The following ARFGEF3 variants were observed in gnomAD, a reference collection of about 807,000 sequenced individuals.
ARFGEF3 encodes the protein brefeldin A-inhibited guanine nucleotide-exchange protein 3.
A neutral mutation model predicts 221.7 loss-of-function variants in ARFGEF3; 96 were observed. The observed-to-expected ratio is 0.43, with a 90% CI of 0.37 to 0.51. ARFGEF3 has a LOEUF of 0.51. Ranked by LOEUF, ARFGEF3 falls within the 20% of genes least tolerant of loss-of-function variation. The pLI is 0.00. For synonymous variants in ARFGEF3, 1,145 were observed against 1,126.8 expected (o/e 1.02, Z -0.32); for missense variants, 2,410 against 2,789.9 (o/e 0.86, Z 3.07).
intron 8 of ARFGEF3, among the ~76,000 whole-genome samples, chr6:138,251,830 CT>C (rs1418638294): frequency 6.6e-6 from 1 of 152,066 alleles, no homozygotes; most frequent in Non-Finnish European, 1.5e-5. Context: ...CTCATAGAAC[CT>C]TGCGTTAAGG....
chr6:138,326,185 T>G (rs146881976), intron 31 of ARFGEF3, among the ~76,000 whole-genome samples: 9 of 152,302 alleles, frequency 5.9e-5, no homozygotes, highest in African/African-American at 1.9e-4. Flanking sequence ...ACTTCTCTAT[T>G]TCTTCCTCAA....
At chr6:138,314,457 T>C (rs1028825119) in intron 26 of ARFGEF3, among the ~76,000 whole-genome samples, 1 of 152,170 alleles carries the variant, frequency 6.6e-6, no homozygotes, top group Admixed American at 6.5e-5. Flanking sequence ...GAGGTTCTTC[T>C]CACATGCGGA....
Position 138,290,648 on chromosome 6 carries a change from G to A in ARFGEF3, c.3047+680G>A, listed in dbSNP as rs147591635. Among the ~76,000 whole-genome samples, 32 of 152,320 alleles carry A rather than the reference G, an allele frequency of 2.1e-4. 1 individual carries two copies. The East Asian group carries it at 6.2e-3, about 29-fold the overall frequency. On this transcript the variant is annotated intron_variant, in intron 18 of 33. Coordinates refer to ENST00000251691, the MANE Select transcript of ARFGEF3 (RefSeq NM_020340.5). ...CAAGCATTGCATCAGGACAGACCCA[G>A]TACCGTGGAAGGAGCACTGCCCATG...
At chr6:138,196,845 T>A (rs557694365) in intron 2 of ARFGEF3, among the ~76,000 whole-genome samples, 1 of 152,320 alleles carries the variant, frequency 6.6e-6, no homozygotes, top group East Asian at 1.9e-4. Flanking sequence ...TTTATTTATT[T>A]ATTTTGAGAC....
Position 138,164,643 on chromosome 6 carries a change from A to G in ARFGEF3, c.85+2472A>G, listed in dbSNP as rs1047723014. Among the ~76,000 whole-genome samples, 13 of 152,318 alleles carry G rather than the reference A, an allele frequency of 8.5e-5. No individual in the cohort carries two copies. The South Asian group carries it at 2.1e-3, about 24-fold the overall frequency. ...CAAAAAAGCTAGTTTAAGCTGAGCTATACAAAACGGGATTTATTTACTCCT... is the reference window on the plus strand; with the variant it reads ...CAAAAAAGCTAGTTTAAGCTGAGCTGTACAAAACGGGATTTATTTACTCCT... On this transcript the variant is annotated intron_variant, in intron 1 of 33. Coordinates refer to ENST00000251691, the MANE Select transcript of ARFGEF3 (RefSeq NM_020340.5).
rs35236693 is a variant in ARFGEF3 at position 138,174,469 on chromosome 6, T to TAAAAAAAAAAA, written c.137+3784_137+3794dup. On this transcript the variant is annotated intron_variant, in intron 2 of 33. Transcript: ENST00000251691. ...GGCATCCTTCTATTTGAGCATCTGC[T>TAAAAAAAAAAA]AAAAAAAAAAAAAAAAAAAAAAAAA... 2.4e-4 allele frequency among the ~76,000 whole-genome samples: 6 copies of TAAAAAAAAAAA among 25,300 alleles called. 1 individual carries two copies. The highest frequency in any genetic ancestry group is 7.3e-4 in the Admixed American group (1 of 1,362). The allele number at this position is 25,300 out of a possible 152,430, so 16.6% of individuals were successfully genotyped here.
intron 2 of ARFGEF3, among the ~76,000 whole-genome samples, chr6:138,172,849 A>T (rs1485797079): frequency 6.6e-6 from 1 of 152,212 alleles, no homozygotes; most frequent in Non-Finnish European, 1.5e-5. Context: ...TGTATTTTCC[A>T]TGCTAACCAT....
chr6:138,323,121 A>T (rs932954674), intron 29 of ARFGEF3, among the ~76,000 whole-genome samples: 2 of 152,310 alleles, frequency 1.3e-5, no homozygotes, highest in Non-Finnish European at 2.9e-5. Context: ...AGTCTTGCAT[A>T]CAAGTCTACG....
intron 6 of ARFGEF3, among the ~76,000 whole-genome samples, chr6:138,240,216 AAAT>A (rs1344133440): frequency 3.3e-5 from 5 of 152,152 alleles, no homozygotes; most frequent in Admixed American, 6.5e-5. Context: ...CATAAATAGA[AAAT>A]AAGAGAAAAA....
intron 6 of ARFGEF3, among the ~76,000 whole-genome samples, chr6:138,242,006 A>T (rs113299224): frequency 6.6e-6 from 1 of 152,220 alleles, no homozygotes; most frequent in African/African-American, 2.4e-5. Flanking sequence ...TTCCTCCGGA[A>T]TGTTGTTCTC....
intron 1 of ARFGEF3, among the ~76,000 whole-genome samples, chr6:138,169,753 T>C (rs1403956996): frequency 6.6e-6 from 1 of 152,236 alleles, no homozygotes; most frequent in Admixed American, 6.5e-5. Context: ...TGATTAATTG[T>C]CTTTCTGAAA....
intron 12 of ARFGEF3, among the ~76,000 whole-genome samples, chr6:138,267,635 T>A (rs562028237): frequency 1.2e-3 from 181 of 152,342 alleles, no homozygotes; most frequent in African/African-American, 3.9e-3. Flanking sequence ...AAAGTCTTTT[T>A]AAAATTTGAG....
intron 2 of ARFGEF3, among the ~76,000 whole-genome samples, chr6:138,171,348 A>G (rs750329131): frequency 2.3e-4 from 34 of 148,710 alleles, no homozygotes; most frequent in Non-Finnish European, 3.4e-4. Flanking sequence ...GGTCAAGGAG[A>G]GACATGATCA....
chr6:138,281,246 G>A (rs1583047252), intron 14 of ARFGEF3, among the ~76,000 whole-genome samples: 1 of 152,260 alleles, frequency 6.6e-6, no homozygotes, highest in South Asian at 2.1e-4. Flanking sequence ...GCAATGGCTT[G>A]TGAGTTGCAA....
chr6:138,172,008 T>C (rs1776845346), intron 2 of ARFGEF3, among the ~76,000 whole-genome samples: 1 of 152,244 alleles, frequency 6.6e-6, no homozygotes, highest in African/African-American at 2.4e-5. Flanking sequence ...AGATATTTTC[T>C]CTCTTTTTAA....
intron 14 of ARFGEF3, 30 bp from the exon 15 acceptor site, chr6:138,285,916 A>T: frequency 7.1e-7 from 1 of 1,406,722 alleles, no homozygotes; most frequent in Non-Finnish European, 1.0e-6. Flanking sequence ...TGTTTTATTT[A>T]GGGAAAACTT....
intron 3 of ARFGEF3, among the ~76,000 whole-genome samples, chr6:138,207,428 AAG>A (rs147279538): frequency 0.016 from 2,430 of 152,330 alleles, 28 homozygotes; most frequent in Middle Eastern, 0.027. Flanking sequence ...GATCCCAAAA[AAG>A]AGACGACAAG....
intron 22 of ARFGEF3, 98 bp downstream of exon 22, chr6:138,298,883 T>A (rs1162886592): frequency 5.5e-6 from 5 of 901,946 alleles, no homozygotes; most frequent in Admixed American, 5.0e-5. Context: ...TTTCCAATAA[T>A]CCTATGTGGA....
At position 138,162,288 on chromosome 6, in the gene ARFGEF3, G is replaced by A. The variant is rs1776632722; in HGVS notation, c.85+117G>A. ...GGTCATGGGTGCCGTTCTGGCGATT[G>A]CGAGAGTCGCCTCGGGAAATTGATG... On this transcript the variant is annotated intron_variant, in intron 1 of 33. Coordinates refer to ENST00000251691, the MANE Select transcript of ARFGEF3 (RefSeq NM_020340.5). The surrounding 1 kb of genome is among the most constrained non-coding windows in gnomAD (Gnocchi z 4.7). 2 of 626,360 alleles carry A rather than the reference G, an allele frequency of 3.2e-6. No individual in the cohort carries two copies. The highest frequency in any genetic ancestry group is 4.8e-4 in the Middle Eastern group (1 of 2,088). The allele number at this position is 626,360 out of a possible 1,614,324, so 38.8% of individuals were successfully genotyped here. A position where few individuals can be genotyped will look rare whatever the true frequency, so the allele number is the denominator to read the frequency against.
Sources: allele counts gnomAD v4.1 joint callset (sites outside exome capture counted in the v4.1 genomes callset), GRCh38; gene constraint gnomAD v4.1.1; non-coding constraint Gnocchi (gnomAD v3.1); transcripts MANE v1.5; gene names NCBI Gene and HGNC (gene_info 2026-07-23, HGNC 2026-07-21).